The following MED27 variants were observed in gnomAD, a reference collection of about 807,000 sequenced individuals.
MED27 encodes the protein mediator of RNA polymerase II transcription subunit 27.
Under a neutral mutation model 38.2 loss-of-function variants are expected in MED27, and 30 were observed. The ratio of observed to expected loss-of-function variants is 0.79; its 90% CI spans 0.59 to 1.07. The LOEUF (loss-of-function observed/expected upper bound fraction) is 1.07. Ranked by LOEUF, MED27 falls within the 50% of genes least tolerant of loss-of-function variation. The pLI is 0.00. For missense variants in MED27, 289 were observed against 397.5 expected, an observed-to-expected ratio of 0.73 and a Z score of 2.32; for synonymous variants, 122 against 153.5, an observed-to-expected ratio of 0.79 and a Z score of 1.52.
intron 3 of MED27, among the ~76,000 whole-genome samples, chr9:131,980,096 A>G (rs748742664): frequency 1.3e-5 from 2 of 151,960 alleles, no homozygotes; most frequent in Non-Finnish European, 2.9e-5. Flanking sequence ...GGGGGAAGGT[A>G]ATATATGTGT....
intron 4 of MED27, 35 bp from the exon 5 acceptor site, chr9:131,894,027 G>T (rs1209179846): frequency 6.5e-7 from 1 of 1,547,890 alleles, no homozygotes; most frequent in Admixed American, 1.7e-5. Flanking sequence ...ACTTGAACAC[G>T]CAAATCACAC....
intron 1 of MED27, among the ~76,000 whole-genome samples, 156 bp from the exon 2 acceptor site, chr9:132,077,742 A>G (rs867556617): frequency 1.4e-5 from 2 of 145,226 alleles, no homozygotes; most frequent in Non-Finnish European, 3.1e-5. Flanking sequence ...TGGGACACTT[A>G]AAAAAAAAAA....
At chr9:132,005,837 A>C (rs1016597105) in intron 3 of MED27, among the ~76,000 whole-genome samples, 1 of 152,152 alleles carries the variant, frequency 6.6e-6, no homozygotes, top group Non-Finnish European at 1.5e-5. Context: ...CTTAAACATG[A>C]CTGATATTAA....
intron 6 of MED27, among the ~76,000 whole-genome samples, chr9:131,864,104 A>C (rs1838696762): frequency 6.6e-6 from 1 of 152,120 alleles, no homozygotes; most frequent in Non-Finnish European, 1.5e-5. Flanking sequence ...AGTAGATTAT[A>C]CCTAATTTGA....
chr9:131,869,435 CTG>C, intron 6 of MED27: 2 of 978,878 alleles, frequency 2.0e-6, no homozygotes, highest in South Asian at 4.7e-5. Flanking sequence ...TAAATCCACT[CTG>C]TGGCAGCCGA....
intron 6 of MED27, chr9:131,868,855 TGTGCCTGCTGTAGCACAGG>T: frequency 1.0e-6 from 1 of 985,502 alleles, no homozygotes. Flanking sequence ...GATTCACAAA[TGTGCCTGCTGTAGCACAGG>T]CTGCTCAAGG....
intron 4 of MED27, among the ~76,000 whole-genome samples, chr9:131,926,919 T>A (rs1830494557): frequency 6.6e-6 from 1 of 152,256 alleles, no homozygotes; most frequent in Non-Finnish European, 1.5e-5. Context: ...TGGTTGAAGC[T>A]TTTTTCTTTT....
At chr9:132,034,357 G>A (rs748139171) in intron 2 of MED27, among the ~76,000 whole-genome samples, 4 of 152,172 alleles carry the variant, frequency 2.6e-5, no homozygotes, top group Non-Finnish European at 4.4e-5. Context: ...CAGACTCAAG[G>A]ACTGAGGGTC....
chr9:132,029,242 T>C (rs1832896182), intron 2 of MED27, among the ~76,000 whole-genome samples: 2 of 152,246 alleles, frequency 1.3e-5, no homozygotes, highest in African/African-American at 4.8e-5. Context: ...AGTACCAAGT[T>C]ACTTGATTAA....
At chr9:131,953,430 T>C (rs1223741497) in intron 3 of MED27, among the ~76,000 whole-genome samples, 1 of 152,234 alleles carries the variant, frequency 6.6e-6, no homozygotes, top group Non-Finnish European at 1.5e-5. Context: ...AAAGTGGTTT[T>C]AGGTGATATA....
rs1371600531 is a variant in MED27, at chr9:131,991,339, T to C, written c.479+22998A>G. Among the ~76,000 whole-genome samples the C allele has an allele frequency of 3.3e-5, 5 of 152,228 alleles. No homozygotes were observed. In the South Asian group the frequency reaches 8.3e-4, roughly 25 times the overall value. ...AGCCAGGAATTCCTTAGAAAATAGA[T>C]AGGAACATTCTAATTTCATTAGTTG... On this transcript the variant is annotated intron_variant, in intron 3 of 7. Transcript: ENST00000292035.
intron 3 of MED27, among the ~76,000 whole-genome samples, chr9:131,973,623 C>T (rs1250654711): frequency 6.6e-6 from 1 of 151,976 alleles, no homozygotes; most frequent in African/African-American, 2.4e-5. Flanking sequence ...GGGCTGCAGC[C>T]GTCTTGCAGC....
intron 6 of MED27, among the ~76,000 whole-genome samples, chr9:131,878,274 A>AAAAT (rs139530478): frequency 0.078 from 11,558 of 147,822 alleles, 756 homozygotes; most frequent in African/African-American, 0.18. Flanking sequence ...CTCCATTACA[A>AAAAT]AAATAAATAA....
chr9:131,957,934 T>C (rs945506680), intron 3 of MED27, among the ~76,000 whole-genome samples: 3 of 151,490 alleles, frequency 2.0e-5, no homozygotes, highest in Non-Finnish European at 2.9e-5. Context: ...AAGACACATT[T>C]AATCTAGAGT....
chr9:131,937,888 C>T (rs1339979262), intron 4 of MED27, among the ~76,000 whole-genome samples: 1 of 151,474 alleles, frequency 6.6e-6, no homozygotes, highest in Non-Finnish European at 1.5e-5. Flanking sequence ...TGCAATGGCG[C>T]GATCTCAGCT....
rs560273177 is a variant in MED27, at chr9:132,023,391, T to A, written c.349-8924A>T. Among the ~76,000 whole-genome samples, 23 of 152,338 alleles carry A rather than the reference T, an allele frequency of 1.5e-4. No homozygotes were observed. The East Asian group carries it at 4.4e-3, about 29-fold the overall frequency. On this transcript the variant is annotated intron_variant, in intron 2 of 7. Transcript: ENST00000292035. ...TTGCCAATCTGATATTTTATAAACT[T>A]CTTCTTTTATGGGTAGTGTGAAAAA...
At chr9:131,951,709 T>C (rs1331044195) in intron 3 of MED27, among the ~76,000 whole-genome samples, 1 of 152,212 alleles carries the variant, frequency 6.6e-6, no homozygotes, top group Non-Finnish European at 1.5e-5. Flanking sequence ...AGGCAAATAA[T>C]GGTATTAGCT....
chr9:132,075,956 G>A (rs1834037876), intron 2 of MED27, among the ~76,000 whole-genome samples: 1 of 152,204 alleles, frequency 6.6e-6, no homozygotes, highest in Admixed American at 6.5e-5. Flanking sequence ...GCTCTGAGCT[G>A]AGGATCCCAC....
chr9:131,918,247 G>C (rs1830328547), intron 4 of MED27, among the ~76,000 whole-genome samples: 1 of 152,150 alleles, frequency 6.6e-6, no homozygotes, highest in South Asian at 2.1e-4. Context: ...TGATGATTTG[G>C]GCACATTAGC....
Sources: allele counts gnomAD v4.1 joint callset (sites outside exome capture counted in the v4.1 genomes callset), GRCh38; gene constraint gnomAD v4.1.1; transcripts MANE v1.5; gene names NCBI Gene and HGNC (gene_info 2026-07-23, HGNC 2026-07-21).